KLHL32: variants seen among roughly 807,000 people sequenced by gnomAD.
KLHL32 encodes the protein kelch-like protein 32.
Under a neutral mutation model 64.8 loss-of-function variants are expected in KLHL32, and 35 were observed. That is an observed-to-expected ratio of 0.54 (90% CI 0.41 to 0.72). The LOEUF (loss-of-function observed/expected upper bound fraction) is 0.72. Among genes scored for constraint, KLHL32 ranks in the 30% least tolerant of loss-of-function variants. The pLI is 0.00. For missense variants in KLHL32, 589 were observed against 768.5 expected (o/e 0.77, Z 2.76); for synonymous variants, 259 against 281.0 (o/e 0.92, Z 0.78).
At chr6:97,111,600 G>GCCC (rs1797154947) in intron 6 of KLHL32, among the ~76,000 whole-genome samples, 1 of 152,160 alleles carries the variant, frequency 6.6e-6, no homozygotes, top group South Asian at 2.1e-4. Context: ...AGTGCCTGTA[G>GCCC]CCCCCAAAGC....
chr6:97,108,734 A>G (rs1408358734), intron 6 of KLHL32, among the ~76,000 whole-genome samples: 4 of 152,194 alleles, frequency 2.6e-5, no homozygotes, highest in African/African-American at 4.8e-5. Flanking sequence ...GAGTGTTTCT[A>G]TGGCTTACTT....
intron 4 of KLHL32, among the ~76,000 whole-genome samples, chr6:97,049,327 A>G (rs1786455494): frequency 6.6e-6 from 1 of 152,212 alleles, no homozygotes; most frequent in African/African-American, 2.4e-5. Context: ...ATACTGCCAC[A>G]GTGGTCTGAT....
At chr6:97,092,066 C>T (rs9374346) in intron 6 of KLHL32, among the ~76,000 whole-genome samples, 129,144 of 151,236 alleles carry the variant, frequency 0.85, 55,265 homozygotes, top group East Asian at 1. Context: ...CTCAGCTCAC[C>T]GCAACCTCCG....
At chr6:96,984,397 C>A (rs568181332) in intron 3 of KLHL32, among the ~76,000 whole-genome samples, 1 of 152,056 alleles carries the variant, frequency 6.6e-6, no homozygotes, top group African/African-American at 2.4e-5. Context: ...CTATTAGGTC[C>A]GCTTGGTGCA....
intron 1 of KLHL32, among the ~76,000 whole-genome samples, chr6:96,965,392 G>A (rs1206808692): frequency 6.6e-6 from 1 of 152,152 alleles, no homozygotes; most frequent in African/African-American, 2.4e-5. Flanking sequence ...GTCTGTAAAA[G>A]AGAATTTCAT....
intron 5 of KLHL32, among the ~76,000 whole-genome samples, chr6:97,077,112 G>C (rs1791716919): frequency 6.6e-6 from 1 of 152,126 alleles, no homozygotes; most frequent in Admixed American, 6.5e-5. Context: ...TCAAACAAAT[G>C]ATACAAATAG....
intron 1 of KLHL32, among the ~76,000 whole-genome samples, chr6:96,939,303 G>A (rs768652435): frequency 6.6e-6 from 1 of 152,212 alleles, no homozygotes; most frequent in Non-Finnish European, 1.5e-5. Flanking sequence ...CACAGTTACT[G>A]GGCATCTGTC....
chr6:97,126,902 G>T (rs895946865), intron 7 of KLHL32, among the ~76,000 whole-genome samples: 6 of 152,006 alleles, frequency 3.9e-5, no homozygotes, highest in African/African-American at 1.5e-4. Flanking sequence ...TGCATATGTG[G>T]CTCTTGTTAT....
At chr6:97,139,037 G>A (rs1225265391) in intron 10 of KLHL32, 84 bp from the exon 11 acceptor site, 7 of 1,304,990 alleles carry the variant, frequency 5.4e-6, no homozygotes, top group Non-Finnish European at 7.4e-6. Context: ...CTGAATTTAA[G>A]TTCAGAATTT....
intron 4 of KLHL32, among the ~76,000 whole-genome samples, chr6:97,042,508 G>C (rs1785274832): frequency 6.6e-6 from 1 of 152,032 alleles, no homozygotes; most frequent in Non-Finnish European, 1.5e-5. Context: ...TTCTTAATTA[G>C]CAAATAATAA....
At chr6:97,094,386 C>T (rs925961645) in intron 6 of KLHL32, among the ~76,000 whole-genome samples, 1 of 152,210 alleles carries the variant, frequency 6.6e-6, no homozygotes, top group East Asian at 1.9e-4. Flanking sequence ...AGAAGTGCTT[C>T]TCCCACCCTT....
At chr6:97,096,371 C>T (rs1439794784) in intron 6 of KLHL32, among the ~76,000 whole-genome samples, 1 of 152,178 alleles carries the variant, frequency 6.6e-6, no homozygotes, top group African/African-American at 2.4e-5. Context: ...TGACCTAAAT[C>T]ATAATACTCC....
At chr6:96,916,116 CA>C in the KLHL32 span, among the ~76,000 whole-genome samples, 1 of 151,588 alleles carries the variant, frequency 6.6e-6, no homozygotes, top group East Asian at 1.9e-4. Flanking sequence ...AATTTATAGA[CA>C]AAAAAGTAGA....
intron 6 of KLHL32, among the ~76,000 whole-genome samples, chr6:97,106,876 A>G (rs1408384346): frequency 6.6e-6 from 1 of 152,212 alleles, no homozygotes; most frequent in African/African-American, 2.4e-5. Context: ...TCATAAACCT[A>G]TGGTCTTTAT....
At chr6:96,963,692 A>G (rs1243981576) in intron 1 of KLHL32, among the ~76,000 whole-genome samples, 3 of 152,238 alleles carry the variant, frequency 2.0e-5, no homozygotes, top group East Asian at 3.8e-4. Flanking sequence ...GATACTTAAA[A>G]TTTTAACATG....
chr6:96,986,625 T>C (rs1157766058), intron 3 of KLHL32, among the ~76,000 whole-genome samples: 8 of 152,222 alleles, frequency 5.3e-5, no homozygotes, highest in Non-Finnish European at 7.3e-5. Context: ...CTCCCACTGC[T>C]GTGCTAGCAA....
chr6:97,056,099 TTTTTTTC>T (rs1371021859), intron 4 of KLHL32, among the ~76,000 whole-genome samples: 1,820 of 113,220 alleles, frequency 0.016, 15 homozygotes, highest in East Asian at 0.044. Context: ...TTTTTTTCTT[TTTTTTTC>T]TTTTTTTTTT....
intron 8 of KLHL32, among the ~76,000 whole-genome samples, chr6:97,127,758 A>C (rs1467736602): frequency 6.6e-6 from 1 of 152,210 alleles, no homozygotes; most frequent in African/African-American, 2.4e-5. Flanking sequence ...AGGGGCTGCC[A>C]TTCTAGGAGG....
At chr6:97,015,647 A>G (rs1781062750) in intron 3 of KLHL32, among the ~76,000 whole-genome samples, 1 of 152,200 alleles carries the variant, frequency 6.6e-6, no homozygotes, top group Non-Finnish European at 1.5e-5. Flanking sequence ...TGATGATGCA[A>G]TAGAAAAGGA....
Sources: gnomAD v4.1 joint callset for allele counts (sites outside exome capture counted in the v4.1 genomes callset) on GRCh38, gnomAD v4.1.1 for gene constraint, MANE v1.5 for transcripts, NCBI Gene and HGNC (gene_info 2026-07-23, HGNC 2026-07-21) for gene names.